STXBP4: variants seen among roughly 807,000 people sequenced by gnomAD.
STXBP4 encodes syntaxin binding protein 4.
In STXBP4, 55 loss-of-function variants were observed where a neutral mutation model predicts 76.1. The ratio of observed to expected loss-of-function variants is 0.72; its 90% CI spans 0.58 to 0.91. The LOEUF is 0.91. STXBP4 is among the 40% of genes least tolerant of loss of function. The pLI is 0.00. For synonymous variants in STXBP4, 201 were observed against 220.2 expected (o/e 0.91, Z 0.77); for missense variants, 618 against 636.9 (o/e 0.97, Z 0.32).
chr17:54,988,989 T>G (rs989580969), intron 3 of STXBP4, among the ~76,000 whole-genome samples: 2 of 152,240 alleles, frequency 1.3e-5, no homozygotes, highest in Admixed American at 6.5e-5. Flanking sequence ...TTAAAAAAAT[T>G]TCTTCTTTTT....
At chr17:55,211,116 C>T in the STXBP4 span, among the ~76,000 whole-genome samples, 9 of 152,084 alleles carry the variant, frequency 5.9e-5, no homozygotes, top group African/African-American at 1.9e-4. Context: ...AAATTTGTCA[C>T]TGTATGGCTC....
chr17:55,097,714 A>G (rs959328572), intron 16 of STXBP4, among the ~76,000 whole-genome samples: 11 of 152,172 alleles, frequency 7.2e-5, no homozygotes, highest in African/African-American at 2.4e-4. Flanking sequence ...GAAATAAATT[A>G]GTTCACACCC....
intron 12 of STXBP4, among the ~76,000 whole-genome samples, chr17:55,071,312 C>A (rs1229874280): frequency 1.3e-5 from 2 of 152,138 alleles, no homozygotes; most frequent in African/African-American, 4.8e-5. Flanking sequence ...ACCTCCATCC[C>A]TATATTCACT....
At chr17:54,992,770 G>A (rs992606843) in intron 4 of STXBP4, among the ~76,000 whole-genome samples, 1 of 148,134 alleles carries the variant, frequency 6.8e-6, no homozygotes, top group Admixed American at 6.8e-5. Flanking sequence ...GAGTGCAGTG[G>A]CACAATCTCG....
the STXBP4 span, among the ~76,000 whole-genome samples, chr17:55,196,809 A>G: frequency 1.3e-5 from 2 of 152,208 alleles, no homozygotes; most frequent in African/African-American, 4.8e-5. Flanking sequence ...CTTGATGACA[A>G]TTCTCTGAAG....
intron 16 of STXBP4, among the ~76,000 whole-genome samples, chr17:55,096,027 G>C (rs2079480984): frequency 6.6e-6 from 1 of 152,140 alleles, no homozygotes; most frequent in East Asian, 1.9e-4. Context: ...TGACCTCTCT[G>C]AGTATTCGCT....
At chr17:55,107,876 C>T (rs2079655676) in intron 16 of STXBP4, among the ~76,000 whole-genome samples, 1 of 152,180 alleles carries the variant, frequency 6.6e-6, no homozygotes, top group Admixed American at 6.5e-5. Context: ...GAGGTGTCTC[C>T]CTGTCAGGAA....
At chr17:55,029,124 A>G (rs2078463834) in intron 8 of STXBP4, among the ~76,000 whole-genome samples, 1 of 152,150 alleles carries the variant, frequency 6.6e-6, no homozygotes, top group Non-Finnish European at 1.5e-5. Context: ...CAATAAATTC[A>G]TACAACGGAT....
intron 16 of STXBP4, among the ~76,000 whole-genome samples, chr17:55,132,712 A>G (rs1327336680): frequency 6.6e-6 from 1 of 152,146 alleles, no homozygotes; most frequent in Non-Finnish European, 1.5e-5. Context: ...TAGTAAGGAA[A>G]GAGAGAGGAA....
At chr17:55,104,677 GT>G (rs747091085) in intron 16 of STXBP4, among the ~76,000 whole-genome samples, 2 of 152,024 alleles carry the variant, frequency 1.3e-5, no homozygotes, top group African/African-American at 4.8e-5. Flanking sequence ...TTTTTCTTTT[GT>G]TTGGGAAAGT....
At position 55,108,913 on chromosome 17, in the gene STXBP4, G is replaced by T. The variant is rs114715184; in HGVS notation, c.1489+27730G>T. 5.3e-3 allele frequency among the ~76,000 whole-genome samples: 810 copies of T among 152,206 alleles called. 9 individuals are homozygous for T. Among genetic ancestry groups the T allele is most frequent in the African/African-American group, 0.018 (763 of 41,518 alleles). ...TACATGTTTTAATTCATTCCTAATT[G>T]CCCTGTTGGACATTACTGATAATAA... is the stretch of plus-strand genomic sequence containing the variant. On this transcript the variant is annotated intron_variant, in intron 16 of 17. Transcript: ENST00000376352.
At chr17:55,007,063 T>G (rs903905117) in intron 7 of STXBP4, among the ~76,000 whole-genome samples, 2 of 151,824 alleles carry the variant, frequency 1.3e-5, no homozygotes, top group Admixed American at 6.6e-5. Flanking sequence ...ACTTGCCGGG[T>G]GTGGTGGCTC....
rs988820679 is a variant in STXBP4, at chr17:55,167,172, G to T, written c.*7261G>T. 1.3e-5 allele frequency: 2 copies of T among 152,138 alleles called. No homozygotes were observed. The highest frequency in any genetic ancestry group is 4.8e-5 in the African/African-American group (2 of 41,432). The allele number at this position is 152,138 out of a possible 1,614,324, so 9.4% of individuals were successfully genotyped here. A position where few individuals can be genotyped will look rare whatever the true frequency, so the allele number is the denominator to read the frequency against. ...ATAAAGTATCAATCACACTATATAT[G>T]TAATTAATTTGGATAGGAAAGTAGG... On this transcript the variant is annotated 3_prime_UTR_variant, in exon 18 of 18. Coordinates refer to ENST00000376352, the MANE Select transcript of STXBP4 (RefSeq NM_178509.6).
intron 4 of STXBP4, chr17:54,991,643 A>AT (rs536254419): frequency 2.6e-5 from 4 of 151,824 alleles, no homozygotes; most frequent in African/African-American, 4.8e-5. Flanking sequence ...ATTATGTGTC[A>AT]TTTTTTGAAA....
At chr17:55,023,275 G>A (rs1005709234) in intron 8 of STXBP4, among the ~76,000 whole-genome samples, 1 of 152,140 alleles carries the variant, frequency 6.6e-6, no homozygotes, top group African/African-American at 2.4e-5. Context: ...CATGAATATA[G>A]GGTTGAGTCT....
rs1373156594 is a variant in STXBP4, at chr17:55,165,417, G to A, written c.*5506G>A. On this transcript the variant is annotated 3_prime_UTR_variant, in exon 18 of 18. Coordinates refer to ENST00000376352, the MANE Select transcript of STXBP4 (RefSeq NM_178509.6). ...GATTATGTGGTATGTTTAGGCAGTG[G>A]GACCTTGGACAACGCCAGTGAGCTT... The A allele has an allele frequency of 1.3e-5, 2 of 152,204 alleles. No individual in the cohort carries two copies. The highest frequency in any genetic ancestry group is 6.5e-5 in the Admixed American group (1 of 15,284). The allele number at this position is 152,204 out of a possible 1,614,324, so 9.4% of individuals were successfully genotyped here. A position where few individuals can be genotyped will look rare whatever the true frequency, so the allele number is the denominator to read the frequency against.
the STXBP4 span, among the ~76,000 whole-genome samples, chr17:55,184,330 T>G: frequency 6.6e-6 from 1 of 152,186 alleles, no homozygotes; most frequent in Non-Finnish European, 1.5e-5. Flanking sequence ...AAAAAGTTAT[T>G]ATCATAATGT....
intron 7 of STXBP4, among the ~76,000 whole-genome samples, chr17:55,004,570 A>G (rs1262347346): frequency 6.6e-6 from 1 of 151,944 alleles, no homozygotes; most frequent in African/African-American, 2.4e-5. Context: ...GCATGGTGGC[A>G]TACACCTGTG....
intron 1 of STXBP4, among the ~76,000 whole-genome samples, chr17:54,973,513 C>A (rs2077428123): frequency 6.6e-6 from 1 of 152,080 alleles, no homozygotes; most frequent in Non-Finnish European, 1.5e-5. Flanking sequence ...AGGTTATAAC[C>A]TGGATACAAG....
Sources: gnomAD v4.1 joint callset for allele counts (sites outside exome capture counted in the v4.1 genomes callset) on GRCh38, gnomAD v4.1.1 for gene constraint, MANE v1.5 for transcripts, NCBI Gene and HGNC (gene_info 2026-07-23, HGNC 2026-07-21) for gene names.